Variants in TAF4 observed in about 807,000 individuals in gnomAD.
The protein encoded by TAF4 is TATA-box binding protein associated factor 4.
Under a neutral mutation model 90.3 loss-of-function variants are expected in TAF4, and 9 were observed. That is an observed-to-expected ratio of 0.10 (90% confidence interval 0.06 to 0.17). The LOEUF is 0.17. Among genes scored for constraint, TAF4 ranks in the 10% least tolerant of loss-of-function variants. The pLI is 1.00. For missense variants in TAF4, 1,351 were observed against 1,370.7 expected, an observed-to-expected ratio of 0.99 and a Z score of 0.23; for synonymous variants, 818 against 638.9, an observed-to-expected ratio of 1.28 and a Z score of -4.23.
chr20:62,020,042 T>C (rs1600847123), intron 1 of TAF4, among the ~76,000 whole-genome samples: 1 of 152,166 alleles, frequency 6.6e-6, no homozygotes, highest in South Asian at 2.1e-4. Context: ...CGCCCTGGCT[T>C]GGCTCTGTCT....
intron 1 of TAF4, among the ~76,000 whole-genome samples, chr20:62,022,461 T>C (rs1253833311): frequency 6.6e-6 from 1 of 152,114 alleles, no homozygotes; most frequent in Non-Finnish European, 1.5e-5. Context: ...AAAGGGGTGG[T>C]CTGAAGCCTG....
intron 1 of TAF4, among the ~76,000 whole-genome samples, chr20:62,030,166 G>A (rs960593827): frequency 1.3e-5 from 2 of 152,214 alleles, no homozygotes; most frequent in African/African-American, 4.8e-5. Context: ...AGAGGCCTCT[G>A]CAGCACTCCA....
rs535970954 is a variant in TAF4, at chr20:62,003,960, T to C, written c.2224-82A>G. The C allele has an allele frequency of 1.2e-4, 172 of 1,462,372 alleles. 3 individuals are homozygous for C. In the South Asian group the frequency reaches 1.9e-3, roughly 17 times the overall value. The allele number at this position is 1,462,372 out of a possible 1,614,324, so 90.6% of individuals were successfully genotyped here. A position where few individuals can be genotyped will look rare whatever the true frequency, so the allele number is the denominator to read the frequency against. On this transcript the variant is annotated intron_variant, in intron 7 of 14. Coordinates refer to ENST00000252996, the MANE Select transcript of TAF4 (RefSeq NM_003185.4). ...CAGTCCCTAGCAGGAGGTTCTTCCC[T>C]TCCCTTCCTTTGCACCCCACGCCCC...
chr20:62,055,866 T>A (rs1473197328), intron 1 of TAF4, among the ~76,000 whole-genome samples: 7 of 152,192 alleles, frequency 4.6e-5, no homozygotes, highest in African/African-American at 1.4e-4. Context: ...GCAGGGGCTG[T>A]CAGCCTGGGA....
intron 14 of TAF4, among the ~76,000 whole-genome samples, chr20:61,993,222 A>T (rs958153926): frequency 2.0e-5 from 3 of 152,178 alleles, no homozygotes; most frequent in Non-Finnish European, 2.9e-5. Context: ...ATGAAGCATG[A>T]CCAGCCACCG....
At chr20:61,981,818 C>T (rs111535255) in intron 14 of TAF4, among the ~76,000 whole-genome samples, 2 of 126,138 alleles carry the variant, frequency 1.6e-5, no homozygotes, top group Non-Finnish European at 3.5e-5. Context: ...CCCACACAAC[C>T]CACACCCACC....
At position 61,997,640 on chromosome 20, in the gene TAF4, T is replaced by C; in HGVS notation, c.3000A>G (p.Arg1000=). The change falls in exon 14 of 15, where the codon AGA becomes AGG. Residue 1000 remains arginine (R), a synonymous_variant. Coordinates refer to ENST00000252996, the MANE Select transcript of TAF4 (RefSeq NM_003185.4). ...EMQQQELAQM[R]QRDANLTALA... Reference sequence around the variant, plus strand: ...GTGCTGTGAGGTTGGCGTCCCGCTGTCTCATTTGTGCCAGTTCCTGTTGCT... The same window carrying C: ...GTGCTGTGAGGTTGGCGTCCCGCTGCCTCATTTGTGCCAGTTCCTGTTGCT... 2 of 1,613,288 alleles carry C rather than the reference T, an allele frequency of 1.2e-6. No individual in the cohort carries two copies. The highest frequency in any genetic ancestry group is 1.7e-6 in the Non-Finnish European group (2 of 1,179,776).
intron 14 of TAF4, among the ~76,000 whole-genome samples, chr20:61,976,764 T>C (rs1029451760): frequency 2.0e-5 from 3 of 152,222 alleles, no homozygotes; most frequent in African/African-American, 7.2e-5. Flanking sequence ...GCTGAATTCC[T>C]GCACTGGGAG....
At chr20:62,051,569 G>A (rs1397849760) in intron 1 of TAF4, among the ~76,000 whole-genome samples, 1 of 152,022 alleles carries the variant, frequency 6.6e-6, no homozygotes, top group Non-Finnish European at 1.5e-5. Context: ...TAGGACACAG[G>A]GCTGGGCCTG....
At chr20:62,016,809 T>C (rs1468748731) in intron 1 of TAF4, among the ~76,000 whole-genome samples, 2 of 152,154 alleles carry the variant, frequency 1.3e-5, no homozygotes, top group African/African-American at 2.4e-5. Context: ...CTTCATTCAC[T>C]GCATTCGGAG....
chr20:62,024,115 T>C (rs909295131), intron 1 of TAF4, among the ~76,000 whole-genome samples: 2 of 151,940 alleles, frequency 1.3e-5, no homozygotes, highest in African/African-American at 4.8e-5. Context: ...ACAGTGTTGG[T>C]GCAAAGTTAA....
intron 1 of TAF4, among the ~76,000 whole-genome samples, chr20:62,038,250 A>G (rs539839309): frequency 1.3e-5 from 2 of 151,952 alleles, no homozygotes. Flanking sequence ...GATGGTGTCG[A>G]TCTCCTGACC....
intron 1 of TAF4, among the ~76,000 whole-genome samples, chr20:62,045,714 G>A: frequency 6.6e-6 from 1 of 152,230 alleles, no homozygotes; most frequent in East Asian, 1.9e-4. Flanking sequence ...CTCCTGGAAA[G>A]GGTGAACGCT....
rs772508435 is a variant in TAF4 at position 62,042,700 on chromosome 20, A to G, written c.1360+21751T>C. ...CAGGGAACTCTCCTGTTTCAATGAT[A>G]ATTAGCAACAATGTTACTGGTTTAC... On this transcript the variant is annotated intron_variant, in intron 1 of 14. Coordinates refer to ENST00000252996, the MANE Select transcript of TAF4 (RefSeq NM_003185.4). 5.4e-4 allele frequency among the ~76,000 whole-genome samples: 82 copies of G among 152,380 alleles called. 3 individuals carry two copies. Among genetic ancestry groups the G allele is most frequent in the Non-Finnish European group, 2.8e-4 (19 of 68,042 alleles).
At chr20:62,040,828 C>T (rs2055959619) in intron 1 of TAF4, among the ~76,000 whole-genome samples, 1 of 152,224 alleles carries the variant, frequency 6.6e-6, no homozygotes, top group Non-Finnish European at 1.5e-5. Flanking sequence ...CGATTCCACT[C>T]CTAACATTTA....
chr20:62,061,315 A>G (rs950706598), intron 1 of TAF4, among the ~76,000 whole-genome samples: 1 of 152,228 alleles, frequency 6.6e-6, no homozygotes, highest in African/African-American at 2.4e-5. Flanking sequence ...TGCTCCAGAC[A>G]GCACCCACAG....
intron 1 of TAF4, among the ~76,000 whole-genome samples, chr20:62,022,630 C>G (rs998650317): frequency 1.3e-5 from 2 of 152,182 alleles, no homozygotes; most frequent in African/African-American, 2.4e-5. Context: ...GGCTGGCTTT[C>G]TCTCTAAGCG....
chr20:62,017,397 G>A (rs1193622763), intron 1 of TAF4, among the ~76,000 whole-genome samples: 1 of 152,030 alleles, frequency 6.6e-6, no homozygotes, highest in South Asian at 2.1e-4. Context: ...CCAGCACTTT[G>A]GGAGGCCAAG....
intron 14 of TAF4, among the ~76,000 whole-genome samples, chr20:61,997,056 C>A (rs982428758): frequency 1.3e-5 from 2 of 152,078 alleles, no homozygotes; most frequent in Admixed American, 1.3e-4. Flanking sequence ...CAGTTGAAAG[C>A]AAAAATAACA....
Sources: allele counts gnomAD v4.1 joint callset (sites outside exome capture counted in the v4.1 genomes callset), GRCh38; gene constraint gnomAD v4.1.1; transcripts MANE v1.5; gene names NCBI Gene and HGNC (gene_info 2026-07-23, HGNC 2026-07-21).